CREB5: variants seen among roughly 807,000 people sequenced by gnomAD.
The protein encoded by CREB5 is cyclic AMP-responsive element-binding protein 5.
Under a neutral mutation model 57.1 loss-of-function variants are expected in CREB5, and 19 were observed. The ratio of observed to expected loss-of-function variants is 0.33; its 90% CI spans 0.23 to 0.49. The LOEUF (loss-of-function observed/expected upper bound fraction) is 0.49, where lower values mean the gene tolerates loss of function less well. CREB5 is among the 20% of genes least tolerant of loss of function. The pLI, the probability that CREB5 is intolerant of heterozygous loss-of-function variation, is 0.99. For missense variants in CREB5, 579 were observed against 671.6 expected, an observed-to-expected ratio of 0.86 and a Z score of 1.52; for synonymous variants, 238 against 238.3, an observed-to-expected ratio of 1.00 and a Z score of 0.01.
intron 1 of CREB5, among the ~76,000 whole-genome samples, chr7:28,380,863 A>G (rs1372443699): frequency 1.3e-5 from 2 of 152,194 alleles, no homozygotes. Context: ...GGTTGTTGTT[A>G]GAATCAACTG....
chr7:28,418,443 C>T (rs1788106170), intron 1 of CREB5, among the ~76,000 whole-genome samples: 1 of 152,080 alleles, frequency 6.6e-6, no homozygotes, highest in South Asian at 2.1e-4. Flanking sequence ...GAGGAGAGAC[C>T]TTGGTGTCAG....
chr7:28,347,375 G>C (rs193110227), intron 1 of CREB5, among the ~76,000 whole-genome samples: 2 of 152,098 alleles, frequency 1.3e-5, no homozygotes, highest in African/African-American at 4.8e-5. Flanking sequence ...GATTTAATAC[G>C]ACTTAGAAGG....
At chr7:28,642,989 C>CACACAT (rs879442929) in intron 5 of CREB5, among the ~76,000 whole-genome samples, 6,120 of 69,652 alleles carry the variant, frequency 0.088, 77 homozygotes, top group South Asian at 0.13. Flanking sequence ...CACACACATA[C>CACACAT]ACACACACAC....
At chr7:28,548,802 G>A (rs755776561) in intron 4 of CREB5, among the ~76,000 whole-genome samples, 1 of 152,052 alleles carries the variant, frequency 6.6e-6, no homozygotes, top group Non-Finnish European at 1.5e-5. Context: ...TTCTGTATCA[G>A]TTTTCCCTAG....
At chr7:28,350,070 A>G (rs191506354) in intron 1 of CREB5, among the ~76,000 whole-genome samples, 4 of 152,360 alleles carry the variant, frequency 2.6e-5, no homozygotes, top group Non-Finnish European at 5.9e-5. Flanking sequence ...CCTTATGGAT[A>G]CAGGCATTCA....
intron 7 of CREB5, among the ~76,000 whole-genome samples, chr7:28,798,173 G>A (rs1808157823): frequency 6.6e-6 from 1 of 152,020 alleles, no homozygotes; most frequent in South Asian, 2.1e-4. Context: ...AAACCTTTCT[G>A]GAAAGAATAC....
chr7:28,787,546 G>T (rs1038095667), intron 7 of CREB5, among the ~76,000 whole-genome samples: 3 of 152,182 alleles, frequency 2.0e-5, no homozygotes, highest in Admixed American at 6.5e-5. Context: ...TAGATCCTAT[G>T]GTTATAGAAA....
chr7:28,658,379 T>G (rs1364920044), intron 5 of CREB5, among the ~76,000 whole-genome samples: 1 of 152,236 alleles, frequency 6.6e-6, no homozygotes, highest in Non-Finnish European at 1.5e-5. Context: ...TGAACTGATT[T>G]GAGTGTTCAT....
intron 5 of CREB5, among the ~76,000 whole-genome samples, chr7:28,622,117 G>T (rs933172337): frequency 6.6e-6 from 1 of 152,138 alleles, no homozygotes; most frequent in Non-Finnish European, 1.5e-5. Context: ...AGTGTGCCAG[G>T]TTTGAGATAG....
At chr7:28,746,107 C>T (rs961822758) in intron 7 of CREB5, among the ~76,000 whole-genome samples, 1 of 152,110 alleles carries the variant, frequency 6.6e-6, no homozygotes, top group Non-Finnish European at 1.5e-5. Context: ...CAAAATGTAC[C>T]AGAATTTCCT....
chr7:28,477,020 C>T (rs1005286696), intron 1 of CREB5, among the ~76,000 whole-genome samples: 2 of 152,226 alleles, frequency 1.3e-5, no homozygotes, highest in South Asian at 2.1e-4. Flanking sequence ...AGCCTTCATT[C>T]TCCTAGCATG....
At chr7:28,580,000 G>A (rs779022377) in intron 5 of CREB5, among the ~76,000 whole-genome samples, 11 of 152,170 alleles carry the variant, frequency 7.2e-5, no homozygotes, top group Non-Finnish European at 1.3e-4. Context: ...AGATTAAAGA[G>A]AAGGTAAATG....
chr7:28,674,036 C>T (rs1187329034), intron 5 of CREB5, among the ~76,000 whole-genome samples: 1 of 152,066 alleles, frequency 6.6e-6, no homozygotes, highest in East Asian at 1.9e-4. Context: ...TGTTTTAACT[C>T]CCCCAAGAGC....
chr7:28,457,662 T>G (rs1478480104), intron 1 of CREB5, among the ~76,000 whole-genome samples: 1 of 152,172 alleles, frequency 6.6e-6, no homozygotes, highest in Non-Finnish European at 1.5e-5. Flanking sequence ...TGTAGGAGAC[T>G]GGCTTTCAGA....
intron 1 of CREB5, among the ~76,000 whole-genome samples, chr7:28,365,246 C>T (rs1786563409): frequency 6.6e-6 from 1 of 152,154 alleles, no homozygotes; most frequent in Non-Finnish European, 1.5e-5. Flanking sequence ...TTCCTTACCC[C>T]TACAACATTT....
At chr7:28,320,230 G>A (rs756841890) in intron 1 of CREB5, among the ~76,000 whole-genome samples, 42 of 152,068 alleles carry the variant, frequency 2.8e-4, no homozygotes, top group Non-Finnish European at 4.6e-4. Context: ...ACGCCTGGCC[G>A]CTTTTATGTA....
intron 2 of CREB5, among the ~76,000 whole-genome samples, chr7:28,489,196 A>C (rs1791694157): frequency 6.8e-6 from 1 of 147,708 alleles, no homozygotes; most frequent in African/African-American, 2.5e-5. Flanking sequence ...TCTTTCCCTC[A>C]CTCTCCTGCC....
intron 1 of CREB5, among the ~76,000 whole-genome samples, chr7:28,443,615 A>G (rs1225192922): frequency 6.6e-6 from 1 of 152,178 alleles, no homozygotes; most frequent in Non-Finnish European, 1.5e-5. Context: ...TTCCAGAAAT[A>G]TGTATTGAAT....
chr7:28,560,741 G>C (rs1795052298), intron 4 of CREB5, among the ~76,000 whole-genome samples: 1 of 151,926 alleles, frequency 6.6e-6, no homozygotes. Flanking sequence ...CCAGCCCTTT[G>C]CCCTTCAGAA....
Sources: allele counts gnomAD v4.1 joint callset (sites outside exome capture counted in the v4.1 genomes callset), GRCh38; gene constraint gnomAD v4.1.1; transcripts MANE v1.5; gene names NCBI Gene and HGNC (gene_info 2026-07-23, HGNC 2026-07-21).